The following STX7 variants were observed in gnomAD, a reference collection of about 807,000 sequenced individuals.
STX7 encodes syntaxin 7, also known as syntaxin-7.
STX7 carries 34 observed loss-of-function variants against 39.6 expected under a neutral mutation model. The ratio of observed to expected loss-of-function variants is 0.86; its 90% confidence interval spans 0.65 to 1.14. The LOEUF (loss-of-function observed/expected upper bound fraction) is 1.14. Ranked by LOEUF, STX7 falls within the 50% of genes most tolerant of loss-of-function variation. The probability of loss-of-function intolerance (pLI) is 0.00; values close to 1 mark genes in which losing one functional copy is unlikely to be tolerated. For synonymous variants in STX7, 119 were observed against 99.1 expected, an observed-to-expected ratio of 1.20 and a Z score of -1.19; for missense variants, 284 against 310.4, an observed-to-expected ratio of 0.92 and a Z score of 0.64.
chr6:132,463,102 G>A (rs115852125), intron 9 of STX7, among the ~76,000 whole-genome samples: 23 of 152,074 alleles, frequency 1.5e-4, no homozygotes, highest in Non-Finnish European at 2.4e-4. Context: ...CACACTATTC[G>A]GGAGGCTGAG....
rs530146838 is a variant in STX7 at position 132,492,406 on chromosome 6, T to C, written c.85+11040A>G. ...TCTCCTTCTAACATATGACATAATTTACTTATTTATTTTATGTCTGTCTTC... is the reference window on the plus strand; with the variant it reads ...TCTCCTTCTAACATATGACATAATTCACTTATTTATTTTATGTCTGTCTTC... On this transcript the variant is annotated intron_variant, in intron 2 of 9. Transcript: ENST00000367941. 4.6e-5 allele frequency among the ~76,000 whole-genome samples: 7 copies of C among 152,364 alleles called. No individual in the cohort carries two copies. The South Asian group carries it at 8.3e-4, about 18-fold the overall frequency.
chr6:132,482,518 T>C (rs1326411721), intron 2 of STX7, among the ~76,000 whole-genome samples: 1 of 152,200 alleles, frequency 6.6e-6, no homozygotes, highest in Non-Finnish European at 1.5e-5. Flanking sequence ...GTACAAGAGC[T>C]AGGGTTAGAA....
At position 132,460,228 on chromosome 6, in the gene STX7, G is replaced by C. The variant is rs1023606305; in HGVS notation, c.*530C>G. The C allele has an allele frequency of 6.6e-6, 1 of 152,004 alleles. No homozygotes were observed. Among genetic ancestry groups the C allele is most frequent in the African/African-American group, 2.4e-5 (1 of 41,388 alleles). The allele number at this position is 152,004 out of a possible 1,614,324, so 9.4% of individuals were successfully genotyped here. A position where few individuals can be genotyped will look rare whatever the true frequency, so the allele number is the denominator to read the frequency against. ...CTTCAGGGTAAAAAAGATCTTAAAA[G>C]AAAACCAACAAAAAAATGAAAGACA... On this transcript the variant is annotated 3_prime_UTR_variant, in exon 10 of 10. Transcript: ENST00000367941.
At chr6:132,486,465 T>C (rs890752041) in intron 2 of STX7, among the ~76,000 whole-genome samples, 1 of 152,168 alleles carries the variant, frequency 6.6e-6, no homozygotes, top group Non-Finnish European at 1.5e-5. Context: ...GAGATGATTA[T>C]ATAGGTTTTC....
At chr6:132,470,672 C>CA in intron 5 of STX7, 46 bp from the exon 6 acceptor site, 1 of 1,383,774 alleles carries the variant, frequency 7.2e-7, no homozygotes, top group Non-Finnish European at 1.0e-6. Context: ...GCAAAAAAAG[C>CA]AAAAATGAGA....
rs1774247733 is a variant in STX7, at chr6:132,456,515, G to A, written c.*4243C>T. 6.6e-6 allele frequency: 1 copy of A among 152,178 alleles called. No individual in the cohort carries two copies. The highest frequency in any genetic ancestry group is 2.1e-4 in the South Asian group (1 of 4,832). The allele number at this position is 152,178 out of a possible 1,614,324, so 9.4% of individuals were successfully genotyped here. A position where few individuals can be genotyped will look rare whatever the true frequency, so the allele number is the denominator to read the frequency against. The stretch of plus-strand genomic sequence containing the variant: ...CGGCCCCAAATAAGTGCCAAATTAA[G>A]TATTTATTAAGCAACTACTACGGGA... On this transcript the variant is annotated 3_prime_UTR_variant, in exon 10 of 10. Transcript: ENST00000367941.
rs1774186658 is a variant in STX7 at position 132,453,685 on chromosome 6, C to A, written c.*7073G>T. On this transcript the variant is annotated 3_prime_UTR_variant, in exon 10 of 10. Coordinates refer to ENST00000367941, the MANE Select transcript of STX7 (RefSeq NM_003569.3). ...CATATGAAACAAAGATGCTCAACATCATTGCCATTAGCGAAGGGAAAATGG... is the reference window on the plus strand; with the variant it reads ...CATATGAAACAAAGATGCTCAACATAATTGCCATTAGCGAAGGGAAAATGG... 6.6e-6 allele frequency: 1 copy of A among 151,972 alleles called. No homozygotes were observed. The highest frequency in any genetic ancestry group is 2.4e-5 in the African/African-American group (1 of 41,374). The allele number at this position is 151,972 out of a possible 1,614,324, so 9.4% of individuals were successfully genotyped here.
At chr6:132,496,917 G>A (rs1775432987) in intron 2 of STX7, among the ~76,000 whole-genome samples, 1 of 152,124 alleles carries the variant, frequency 6.6e-6, no homozygotes, top group Non-Finnish European at 1.5e-5. Context: ...AGAAACCTAT[G>A]ACTAAAATGA....
At chr6:132,467,501 T>A (rs777186449) in intron 8 of STX7, among the ~76,000 whole-genome samples, 2 of 152,156 alleles carry the variant, frequency 1.3e-5, no homozygotes, top group Admixed American at 6.5e-5. Context: ...AAAATTGTCT[T>A]TCCTCCCATT....
At chr6:132,470,327 CAT>C (rs1774682254) in intron 6 of STX7, among the ~76,000 whole-genome samples, 1 of 152,024 alleles carries the variant, frequency 6.6e-6, no homozygotes, top group Non-Finnish European at 1.5e-5. Context: ...ATTTAAACCT[CAT>C]ATAAGGGAAT....
At chr6:132,461,962 CATAA>C (rs558275582) in intron 9 of STX7, 155 of 1,118,456 alleles carry the variant, frequency 1.4e-4, no homozygotes, top group African/African-American at 8.5e-4. Context: ...CACTGAAAAC[CATAA>C]ATAGTTTGAA....
rs1264202639 is a variant in STX7 at position 132,451,994 on chromosome 6, A to G, written c.*8764T>C. 1.3e-5 allele frequency: 2 copies of G among 152,214 alleles called. No homozygotes were observed. The highest frequency in any genetic ancestry group is 6.5e-5 in the Admixed American group (1 of 15,284). The allele number at this position is 152,214 out of a possible 1,614,324, so 9.4% of individuals were successfully genotyped here. A position where few individuals can be genotyped will look rare whatever the true frequency, so the allele number is the denominator to read the frequency against. On this transcript the variant is annotated 3_prime_UTR_variant, in exon 10 of 10. Coordinates refer to ENST00000367941, the MANE Select transcript of STX7 (RefSeq NM_003569.3). ...TAAAACAGATGCAAAAATCCTTAAC[A>G]AAATATTAGCCAAAAGAATTAAGCT...
At chr6:132,470,152 C>A in intron 6 of STX7, 105 bp from the exon 7 acceptor site, 2 of 795,388 alleles carry the variant, frequency 2.5e-6, no homozygotes, top group South Asian at 4.9e-5. Flanking sequence ...ATTTTATTCT[C>A]CAAAGTCACA....
chr6:132,499,143 C>CTA (rs397760339), intron 2 of STX7, among the ~76,000 whole-genome samples: 4 of 151,972 alleles, frequency 2.6e-5, no homozygotes, highest in African/African-American at 9.7e-5. Context: ...CCCATGCCCT[C>CTA]ACTTTCAAAA....
rs1774217089 is a variant in STX7 at position 132,455,150 on chromosome 6, A to T, written c.*5608T>A. The T allele has an allele frequency of 6.6e-6, 1 of 152,224 alleles. No homozygotes were observed. Among genetic ancestry groups the T allele is most frequent in the African/African-American group, 2.4e-5 (1 of 41,452 alleles). 9.4% of individuals were successfully genotyped at this position (152,224 alleles called of 1,614,324 possible). On this transcript the variant is annotated 3_prime_UTR_variant, in exon 10 of 10. Transcript: ENST00000367941. The stretch of plus-strand genomic sequence containing the variant: ...TCACCGTCAAGTTTTTAGCTATACA[A>T]GTTATTAAAAAAGCAAAAGCTTGCA...
Position 132,446,532 on chromosome 6 carries a change from C to G in STX7, c.*14226G>C, listed in dbSNP as rs1272870903. On this transcript the variant is annotated 3_prime_UTR_variant, in exon 10 of 10. Transcript: ENST00000367941. ...TGGAAGCTATCAACTATCGCATTGTCCCCAATGTCAGAATGTGCTGAATAA... is the reference window on the plus strand; with the variant it reads ...TGGAAGCTATCAACTATCGCATTGTGCCCAATGTCAGAATGTGCTGAATAA... 2 of 152,112 alleles carry G rather than the reference C, an allele frequency of 1.3e-5. No homozygotes were observed. Among genetic ancestry groups the G allele is most frequent in the Non-Finnish European group, 2.9e-5 (2 of 68,024 alleles). 9.4% of individuals were successfully genotyped at this position (152,112 alleles called of 1,614,324 possible). A position where few individuals can be genotyped will look rare whatever the true frequency, so the allele number is the denominator to read the frequency against.
In STX7 at chr6:132,475,592, C is replaced by A. The variant is rs1232841046; in HGVS notation, c.155+1G>T. ...TTTTATTTATTTAACTAGATACTTA[C>A]AACTGTTGCCTCAATTCAGGTGAAT... On this transcript the variant is annotated splice_donor_variant, in intron 3 of 9. Coordinates refer to ENST00000367941, the MANE Select transcript of STX7 (RefSeq NM_003569.3). LOFTEE classifies it high-confidence loss of function. 1.9e-6 allele frequency: 3 copies of A among 1,597,098 alleles called. No individual in the cohort carries two copies. The highest frequency in any genetic ancestry group is 2.6e-6 in the Non-Finnish European group (3 of 1,171,054).
intron 1 of STX7, among the ~76,000 whole-genome samples, chr6:132,504,691 A>G (rs17061361): frequency 0.061 from 9,293 of 152,242 alleles, 356 homozygotes; most frequent in East Asian, 0.16. Context: ...CAAGTTTGTC[A>G]TTTAGGAGGA....
rs1774027970 is a variant in STX7, at chr6:132,447,063, TACA to T, written c.*13692_*13694del. The T allele has an allele frequency of 6.6e-6, 1 of 152,128 alleles. No homozygotes were observed. The highest frequency in any genetic ancestry group is 1.5e-5 in the Non-Finnish European group (1 of 68,004). 9.4% of individuals were successfully genotyped at this position (152,128 alleles called of 1,614,324 possible). On this transcript the variant is annotated 3_prime_UTR_variant, in exon 10 of 10. Coordinates refer to ENST00000367941, the MANE Select transcript of STX7 (RefSeq NM_003569.3). ...GATGGCTCAGCGGAAAATTAGTAAA[TACA>T]ACCAGTGTGTTAGAAATAATTCCGT...
Sources: allele counts gnomAD v4.1 joint callset (sites outside exome capture counted in the v4.1 genomes callset), GRCh38; gene constraint gnomAD v4.1.1; transcripts MANE v1.5; gene names NCBI Gene and HGNC (gene_info 2026-07-23, HGNC 2026-07-21).